ZNF81: variants seen among roughly 807,000 people sequenced by gnomAD.
The protein encoded by ZNF81 is zinc finger protein 81.
Under a neutral mutation model 32.3 loss-of-function variants are expected in ZNF81, and 5 were observed. The ratio of observed to expected loss-of-function variants is 0.15; its 90% CI spans 0.08 to 0.33. The LOEUF (loss-of-function observed/expected upper bound fraction) is 0.33, where lower values mean the gene tolerates loss of function less well. Among genes scored for constraint, ZNF81 ranks in the 10% least tolerant of loss-of-function variants. The pLI, the probability that ZNF81 is intolerant of heterozygous loss-of-function variation, is 1.00. For missense variants in ZNF81, 379 were observed against 479.8 expected (o/e 0.79, Z 1.96); for synonymous variants, 163 against 166.8 (o/e 0.98, Z 0.17).
intron 2 of ZNF81, among the ~76,000 whole-genome samples, chrX:47,854,050 T>C (rs1556881570): frequency 8.9e-6 from 1 of 112,942 alleles, no homozygotes; most frequent in Non-Finnish European, 1.9e-5. Flanking sequence ...TCTTCATCAA[T>C]GATTTTAGCT....
At chrX:47,837,428 C>CT (rs1411687969) in intron 1 of ZNF81, among the ~76,000 whole-genome samples, 4 of 111,929 alleles carry the variant, frequency 3.6e-5, no homozygotes, top group Admixed American at 2.8e-4. Context: ...AAAATCTATC[C>CT]TTTTTTGTCT....
chrX:47,877,154 C>T (rs6608753), intron 2 of ZNF81, among the ~76,000 whole-genome samples: 2 of 112,255 alleles, frequency 1.8e-5, no homozygotes, highest in East Asian at 5.6e-4. Flanking sequence ...AGTTTACCTT[C>T]CTCACTAATC....
rs782216243 is a variant in ZNF81, at chrX:47,888,335, A to G, written c.181+210A>G. 3.3e-5 allele frequency: 16 copies of G among 486,137 alleles called. No homozygotes were observed. The African/African-American group carries it at 3.4e-4, about 10-fold the overall frequency. 40.1% of individuals were successfully genotyped at this position (486,137 alleles called of 1,213,427 possible). The stretch of plus-strand genomic sequence containing the variant: ...TTGGTGTCCTTATAAAAAGGAGAAA[A>G]CTGGACACAGACACATATACACATA... On this transcript the variant is annotated intron_variant, in intron 3 of 4. Coordinates refer to ENST00000338637, the MANE Select transcript of ZNF81 (RefSeq NM_007137.5).
intron 2 of ZNF81, among the ~76,000 whole-genome samples, chrX:47,857,254 A>G (rs781935916): frequency 8.9e-6 from 1 of 112,203 alleles, no homozygotes; most frequent in Non-Finnish European, 1.9e-5. Flanking sequence ...TTCAGAAACT[A>G]GATGATGAAG....
chrX:47,896,172 C>T (rs2058679450), intron 4 of ZNF81, among the ~76,000 whole-genome samples: 1 of 111,195 alleles, frequency 9.0e-6, no homozygotes, highest in African/African-American at 3.3e-5. Context: ...TGCCCCAATT[C>T]CTATACTCTG....
chrX:47,879,991 A>G (rs181018562), intron 2 of ZNF81, among the ~76,000 whole-genome samples: 366 of 112,279 alleles, frequency 3.3e-3, no homozygotes, highest in Non-Finnish European at 5.5e-3. Flanking sequence ...GTGTTCCTGT[A>G]TCTTTATATT....
chrX:47,843,058 A>G (rs1194474600), intron 1 of ZNF81, among the ~76,000 whole-genome samples: 2 of 112,304 alleles, frequency 1.8e-5, no homozygotes, highest in Admixed American at 9.4e-5. Flanking sequence ...ACACCTTCCT[A>G]TCTGGGAAAG....
Position 47,916,344 on chromosome X carries a change from G to A in ZNF81, c.1698G>A (p.Lys566=). 8.3e-7 allele frequency: 1 copy of A among 1,211,605 alleles called. No individual in the cohort carries two copies. The highest frequency in any genetic ancestry group is 2.3e-4 in the Middle Eastern group (1 of 4,353). The change falls in exon 5 of 5, where the codon AAG becomes AAA. Residue 566 remains lysine, a synonymous_variant. Transcript: ENST00000338637. ...CADCGRAFIQ[K]SELITHQRIH... ...ATTGTGGGAGGGCCTTCATCCAGAAGTCAGAGTTGATTACACATCAGAGAA... is the reference window on the plus strand; with the variant it reads ...ATTGTGGGAGGGCCTTCATCCAGAAATCAGAGTTGATTACACATCAGAGAA...
intron 4 of ZNF81, among the ~76,000 whole-genome samples, chrX:47,914,411 C>T (rs1279508807): frequency 8.9e-6 from 1 of 112,010 alleles, no homozygotes; most frequent in Non-Finnish European, 1.9e-5. Flanking sequence ...TGGCTATCAC[C>T]TACATACATC....
In ZNF81 at chrX:47,895,893, A is replaced by G. The variant is rs781949174; in HGVS notation, c.230A>G (p.Glu77Gly). 5 of 1,210,967 alleles carry G rather than the reference A, an allele frequency of 4.1e-6. No individual in the cohort carries two copies. Among genetic ancestry groups the G allele is most frequent in the Non-Finnish European group, 5.6e-6 (5 of 894,907 alleles). The part of the protein sequence containing the change: ...PEVIFKLEQG[E>G]GPWTLEGEAP... Reference sequence around the variant, plus strand: ...GTCATCTTCAAGTTGGAGCAAGGAGAGGGGCCATGGACATTGGAAGGGGAA... The same window carrying G: ...GTCATCTTCAAGTTGGAGCAAGGAGGGGGGCCATGGACATTGGAAGGGGAA... The change falls in exon 4 of 5, where the codon GAG becomes GGG. Residue 77 changes from glutamate to glycine, a missense_variant. Transcript: ENST00000338637.
At position 47,921,269 on chromosome X, in the gene ZNF81, G is replaced by A. The variant is rs2058775856; in HGVS notation, c.*4637G>A. 1 of 110,720 alleles carries A rather than the reference G, an allele frequency of 9.0e-6. No homozygotes were observed. The highest frequency in any genetic ancestry group is 3.3e-5 in the African/African-American group (1 of 30,531). 9.1% of individuals were successfully genotyped at this position (110,720 alleles called of 1,213,427 possible). A position where few individuals can be genotyped will look rare whatever the true frequency, so the allele number is the denominator to read the frequency against. ...ACAAGTATGATACAAGCAGAGGCTT[G>A]AGAAGTGCCTGCACAATGAGGCTTG... is the stretch of plus-strand genomic sequence containing the variant. On this transcript the variant is annotated 3_prime_UTR_variant, in exon 5 of 5. Coordinates refer to ENST00000338637, the MANE Select transcript of ZNF81 (RefSeq NM_007137.5).
Position 47,902,166 on chromosome X carries a change from C to CTGTGT in ZNF81, c.277+6229_277+6230insGTTGT, listed in dbSNP as rs1301954535. On this transcript the variant is annotated intron_variant, in intron 4 of 4. Transcript: ENST00000338637. Reference sequence around the variant, plus strand: ...ACATAAGTTTTTTTCATTAATACTTCTGTATTGTCACTTTAATGTCTTGTA... The same window carrying CTGTGT: ...ACATAAGTTTTTTTCATTAATACTTCTGTGTTGTATTGTCACTTTAATGTCTTGTA... 2.7e-5 allele frequency among the ~76,000 whole-genome samples: 3 copies of CTGTGT among 111,457 alleles called. No homozygotes were observed. In the East Asian group the frequency reaches 8.3e-4, roughly 31 times the overall value.
chrX:47,848,123 G>A lies in ZNF81; in HGVS notation c.54+1802G>A, dbSNP rs185515406. ...GTAGAGACGGGGTTTCACCGTGTTAGCCAGGATGGTCTCGATCTCCTGACC... is the reference window on the plus strand; with the variant it reads ...GTAGAGACGGGGTTTCACCGTGTTAACCAGGATGGTCTCGATCTCCTGACC... On this transcript the variant is annotated intron_variant, in intron 2 of 4. Transcript: ENST00000338637. Among the ~76,000 whole-genome samples, 1,066 of 110,653 alleles carry A rather than the reference G, an allele frequency of 9.6e-3. 17 individuals carry two copies. Among genetic ancestry groups the A allele is most frequent in the African/African-American group, 0.033 (1,016 of 30,448 alleles).
intron 4 of ZNF81, 105 bp from the exon 5 acceptor site, chrX:47,914,819 G>A: frequency 1.3e-6 from 1 of 781,228 alleles, no homozygotes; most frequent in Non-Finnish European, 1.9e-6. Flanking sequence ...GTCATCATGA[G>A]ATTTACTGAT....
intron 3 of ZNF81, among the ~76,000 whole-genome samples, chrX:47,894,405 T>A (rs2058672810): frequency 1.8e-5 from 2 of 111,824 alleles, no homozygotes; most frequent in Non-Finnish European, 3.8e-5. Flanking sequence ...AGGATTCCCC[T>A]TGGTAATCAT....
chrX:47,902,064 AT>A (rs1293598047), intron 4 of ZNF81, among the ~76,000 whole-genome samples: 1 of 111,545 alleles, frequency 9.0e-6, no homozygotes, highest in African/African-American at 3.3e-5. Context: ...GAATATTCAG[AT>A]TTTTTATTTC....
chrX:47,866,480 A>G (rs918773704), intron 2 of ZNF81, among the ~76,000 whole-genome samples: 2 of 112,265 alleles, frequency 1.8e-5, no homozygotes, highest in Admixed American at 9.4e-5. Flanking sequence ...TTCTCAAGAT[A>G]AATAACTTGT....
In ZNF81 at chrX:47,915,244, A is replaced by C. The variant is rs1317401441; in HGVS notation, c.598A>C (p.Lys200Gln). The C allele has an allele frequency of 8.3e-6, 10 of 1,209,359 alleles. No homozygotes were observed. Among genetic ancestry groups the C allele is most frequent in the Middle Eastern group, 2.3e-4 (1 of 4,353 alleles). Residue 200 changes from lysine to glutamine, a missense_variant, in exon 5 of 5, where the codon AAG becomes CAG. Lys to Gln is a moderately conservative substitution (Grantham distance 53). Transcript: ENST00000338637. ...ACGTGATTCATTTGGGAAGAGTTTT[A>C]AGCATAATTTAGACTTACATATTCA... ...HKRDSFGKSF[K>Q]HNLDLHIHNK...
rs960650393 is a variant in ZNF81, at chrX:47,924,747, G to T, written c.*8115G>T. Among the ~76,000 whole-genome samples the T allele has an allele frequency of 1.8e-5, 2 of 111,465 alleles. No individual in the cohort carries two copies. The highest frequency in any genetic ancestry group is 3.8e-5 in the Non-Finnish European group (2 of 53,023). On this transcript the variant is annotated 3_prime_UTR_variant, in exon 5 of 5. Coordinates refer to ENST00000338637, the MANE Select transcript of ZNF81 (RefSeq NM_007137.5). ...TTCCAGGATAGTAAAGATAGAGAAT[G>T]TCTCCCTCCCTGGAGACTTTCCCAG...
Sources: gnomAD v4.1 joint callset for allele counts (sites outside exome capture counted in the v4.1 genomes callset) on GRCh38, gnomAD v4.1.1 for gene constraint, MANE v1.5 for transcripts, NCBI Gene and HGNC (gene_info 2026-07-23, HGNC 2026-07-21) for gene names.